The following SLC6A3 variants were observed in gnomAD, a reference collection of about 807,000 sequenced individuals.
SLC6A3 encodes sodium-dependent dopamine transporter.
A neutral mutation model predicts 70.4 loss-of-function variants in SLC6A3; 19 were observed. The ratio of observed to expected loss-of-function variants is 0.27; its 90% CI spans 0.19 to 0.40. The LOEUF is 0.40. Among genes scored for constraint, SLC6A3 ranks in the 10% least tolerant of loss-of-function variants. The pLI is 1.00. For synonymous variants in SLC6A3, 368 were observed against 356.6 expected (o/e 1.03, Z -0.36); for missense variants, 613 against 838.5 (o/e 0.73, Z 3.32).
chr5:1,398,493 G>T (rs1057284448), intron 14 of SLC6A3, among the ~76,000 whole-genome samples: 3 of 152,010 alleles, frequency 2.0e-5, no homozygotes, highest in African/African-American at 7.2e-5. Flanking sequence ...CACTAAAAAT[G>T]GGACAAATGG....
chr5:1,444,319 G>T (rs2126418336), intron 1 of SLC6A3, among the ~76,000 whole-genome samples: 1 of 152,254 alleles, frequency 6.6e-6, no homozygotes, highest in East Asian at 1.9e-4. Flanking sequence ...CTGTCATTTG[G>T]ATCCAGCAGC....
chr5:1,441,153 C>G (rs1354898921), intron 3 of SLC6A3, among the ~76,000 whole-genome samples: 2 of 152,242 alleles, frequency 1.3e-5, no homozygotes, highest in African/African-American at 4.8e-5. Flanking sequence ...TTGCAGGACC[C>G]TCACCTAGAG....
chr5:1,422,829 C>A (rs1756480895), intron 4 of SLC6A3, among the ~76,000 whole-genome samples: 1 of 77,948 alleles, frequency 1.3e-5, no homozygotes, highest in African/African-American at 5.9e-5. Context: ...CACAGTGCTG[C>A]CCACGCTGCT....
At chr5:1,414,017 G>A (rs1183084396) in intron 8 of SLC6A3, among the ~76,000 whole-genome samples, 1 of 152,196 alleles carries the variant, frequency 6.6e-6, no homozygotes, top group African/African-American at 2.4e-5. Flanking sequence ...ACAACTCCAG[G>A]CGTGCAGGGA....
chr5:1,433,102 G>C (rs374755886), intron 3 of SLC6A3, among the ~76,000 whole-genome samples: 4 of 152,026 alleles, frequency 2.6e-5, no homozygotes, highest in Non-Finnish European at 4.4e-5. Context: ...AGCCACTCAG[G>C]ATCCATAAGA....
intron 3 of SLC6A3, among the ~76,000 whole-genome samples, 178 bp from the exon 4 acceptor site, chr5:1,432,876 A>C (rs1393207848): frequency 1.3e-5 from 2 of 152,086 alleles, no homozygotes; most frequent in African/African-American, 4.8e-5. Context: ...AAGGCCTGAG[A>C]CCAGATTTCA....
rs1579729551 is a variant in SLC6A3, at chr5:1,443,130, G to A, written c.68C>T (p.Ala23Val). Residue 23 changes from alanine (A) to valine (V), a missense_variant, in exon 2 of 15, where the codon GCC (alanine) becomes GTC (valine). Coordinates refer to ENST00000270349, the MANE Select transcript of SLC6A3 (RefSeq NM_001044.5). Reference protein sequence around the residue: ...SVVAPAKEPNAVGPKEVELIL... With the variant: ...SVVAPAKEPNVVGPKEVELIL... ...GAGCTCCACCTCCTTCGGGCCCACG[G>A]CATTGGGCTCCTTAGCCGGGGCCAC... 3 of 1,614,250 alleles carry A rather than the reference G, an allele frequency of 1.9e-6. No individual in the cohort carries two copies. Among genetic ancestry groups the A allele is most frequent in the Non-Finnish European group, 2.5e-6 (3 of 1,180,028 alleles).
In SLC6A3 at chr5:1,442,206, G is replaced by A. The variant is rs1733692202; in HGVS notation, c.286+706C>T. 6.6e-6 allele frequency among the ~76,000 whole-genome samples: 1 copy of A among 152,184 alleles called. No homozygotes were observed. Among genetic ancestry groups the A allele is most frequent in the Non-Finnish European group, 1.5e-5 (1 of 68,034 alleles). On this transcript the variant is annotated intron_variant, in intron 2 of 14. Coordinates refer to ENST00000270349, the MANE Select transcript of SLC6A3 (RefSeq NM_001044.5). The surrounding 1 kb of genome is among the most constrained non-coding windows in gnomAD (Gnocchi z 5.0). ...CAGCTCTGTCTTTGGGCAACTTCCT[G>A]TACCTGCTGAGGCCTCTGTCTTCCC...
chr5:1,416,187 C>T lies in SLC6A3; in HGVS notation c.942G>A (p.Ala314=), dbSNP rs780728481. ...CCAGGGAGAAGCACACCTGGGTGGC[C>T]GCGTCAATCCAAACCTGCAGAGCCA... ...RLCEASVWID[A]ATQVCFSLGV... Residue 314 remains alanine (A), a synonymous_variant, in exon 7 of 15, where the codon GCG becomes GCA. Coordinates refer to ENST00000270349, the MANE Select transcript of SLC6A3 (RefSeq NM_001044.5). 3.1e-5 allele frequency: 50 copies of T among 1,613,152 alleles called. No homozygotes were observed. The East Asian group carries it at 5.1e-4, about 17-fold the overall frequency.
In SLC6A3 at chr5:1,436,217, C is replaced by T. The variant is rs998014021; in HGVS notation, c.419-3519G>A. Among the ~76,000 whole-genome samples, 2 of 152,244 alleles carry T rather than the reference C, an allele frequency of 1.3e-5. No individual in the cohort carries two copies. Among genetic ancestry groups the T allele is most frequent in the East Asian group, 1.9e-4 (1 of 5,200 alleles). On this transcript the variant is annotated intron_variant, in intron 3 of 14. Transcript: ENST00000270349. This position sits in a 1 kb window ranked among gnomAD's most constrained non-coding sequence, Gnocchi z 5.2. ...GACCTGGGCCACTGACGTGTAGCCC[C>T]TCACCAACCAGCCAACTTCACCACG...
chr5:1,409,997 G>C, intron 9 of SLC6A3, 148 bp from the exon 10 acceptor site: 2 of 1,002,290 alleles, frequency 2.0e-6, no homozygotes, highest in East Asian at 2.5e-5. Flanking sequence ...AGGATGCCTG[G>C]TAGTGAGGAC....
chr5:1,408,215 T>TTTTTC lies in SLC6A3; in HGVS notation c.1498+810_1498+811insGAAAA, dbSNP rs1448630870. On this transcript the variant is annotated intron_variant, in intron 11 of 14. Transcript: ENST00000270349. This position sits in a 1 kb window ranked among gnomAD's most constrained non-coding sequence, Gnocchi z 6.4. The stretch of plus-strand genomic sequence containing the variant: ...CCACACCCGGCTAATTTTTTTTTTT[T>TTTTTC]TTTTTTTTAGTAAAGATGGGGTTTT... 2.6e-5 allele frequency among the ~76,000 whole-genome samples: 4 copies of TTTTTC among 151,702 alleles called. No homozygotes were observed. In the East Asian group the frequency reaches 5.8e-4, roughly 22 times the overall value.
chr5:1,437,796 G>T lies in SLC6A3; in HGVS notation c.418+3563C>A, dbSNP rs2126404277. On this transcript the variant is annotated intron_variant, in intron 3 of 14. Transcript: ENST00000270349. This position sits in a 1 kb window ranked among gnomAD's most constrained non-coding sequence, Gnocchi z 4.8. ...GCTGGCTTCATTCCCCCATGGAATT[G>T]CCACCTGCTCAGGGCTGGATGGCCT... Among the ~76,000 whole-genome samples, 1 of 152,372 alleles carries T rather than the reference G, an allele frequency of 6.6e-6. No individual in the cohort carries two copies. The highest frequency in any genetic ancestry group is 1.5e-5 in the Non-Finnish European group (1 of 68,036).
At chr5:1,400,446 T>A (rs1755820007) in intron 14 of SLC6A3, among the ~76,000 whole-genome samples, 1 of 151,994 alleles carries the variant, frequency 6.6e-6, no homozygotes, top group Non-Finnish European at 1.5e-5. Flanking sequence ...GGCGTGACCA[T>A]CCTCTCACTC....
Position 1,421,754 on chromosome 5 carries a change from T to C in SLC6A3, c.792+122A>G. On this transcript the variant is annotated intron_variant, in intron 5 of 14. Coordinates refer to ENST00000270349, the MANE Select transcript of SLC6A3 (RefSeq NM_001044.5). This position sits in a 1 kb window ranked among gnomAD's most constrained non-coding sequence, Gnocchi z 7.2. ...CCATGTGTCCACCCCAACCTGGCCA[T>C]GGCCACATTGGTAGCACAAAACCCA... 1 of 1,090,276 alleles carries C rather than the reference T, an allele frequency of 9.2e-7. No individual in the cohort carries two copies. The highest frequency in any genetic ancestry group is 1.4e-6 in the Non-Finnish European group (1 of 713,298). The allele number at this position is 1,090,276 out of a possible 1,614,324, so 67.5% of individuals were successfully genotyped here. A position where few individuals can be genotyped will look rare whatever the true frequency, so the allele number is the denominator to read the frequency against.
chr5:1,426,177 T>C (rs182376304), intron 4 of SLC6A3, among the ~76,000 whole-genome samples: 8 of 152,212 alleles, frequency 5.3e-5, no homozygotes, highest in Admixed American at 5.2e-4. Flanking sequence ...GTACTCAATA[T>C]TGAGGTTCAT....
At position 1,420,473 on chromosome 5, in the gene SLC6A3, C is replaced by G. The variant is rs11564758; in HGVS notation, c.927+96G>C. 516,232 of 1,457,386 alleles carry G rather than the reference C, an allele frequency of 0.35. 101,453 individuals carry two copies. Among genetic ancestry groups the G allele is most frequent in the Non-Finnish European group, 0.41 (429,562 of 1,041,090 alleles). The allele number at this position is 1,457,386 out of a possible 1,614,324, so 90.3% of individuals were successfully genotyped here. A position where few individuals can be genotyped will look rare whatever the true frequency, so the allele number is the denominator to read the frequency against. On this transcript the variant is annotated intron_variant, in intron 6 of 14. Transcript: ENST00000270349. ...GAGGAAAGAACCCTGGTGTCTGCAA[C>G]TCTGACACCTCTCAGCCCTGGCAGG... is the stretch of plus-strand genomic sequence containing the variant.
intron 6 of SLC6A3, among the ~76,000 whole-genome samples, chr5:1,418,169 G>T (rs1756350733): frequency 6.6e-6 from 1 of 152,164 alleles, no homozygotes; most frequent in Admixed American, 6.5e-5. Context: ...TGGCCAGGTA[G>T]CTGCAGGCTG....
Position 1,437,689 on chromosome 5 carries a change from T to C in SLC6A3, c.418+3670A>G, listed in dbSNP as rs1756870593. 6.6e-6 allele frequency among the ~76,000 whole-genome samples: 1 copy of C among 152,106 alleles called. No homozygotes were observed. Among genetic ancestry groups the C allele is most frequent in the East Asian group, 1.9e-4 (1 of 5,184 alleles). On this transcript the variant is annotated intron_variant, in intron 3 of 14. Transcript: ENST00000270349. The surrounding 1 kb of genome is among the most constrained non-coding windows in gnomAD (Gnocchi z 4.8). ...CCGCCCTCTGGCTTTCAAGGGTGGA[T>C]CTTGGCTCCCAGTTAGGAGCAGGGA...
Sources: gnomAD v4.1 joint callset for allele counts (sites outside exome capture counted in the v4.1 genomes callset) on GRCh38, gnomAD v4.1.1 for gene constraint, Gnocchi (gnomAD v3.1) non-coding constraint, MANE v1.5 for transcripts, NCBI Gene and HGNC (gene_info 2026-07-23, HGNC 2026-07-21) for gene names.